The following PCDHGA3 variants were observed in gnomAD, a reference collection of about 807,000 sequenced individuals.
The protein encoded by PCDHGA3 is protocadherin gamma-A3.
PCDHGA3 carries 40 observed loss-of-function variants against 58.5 expected under a neutral mutation model. The ratio of observed to expected loss-of-function variants is 0.68; its 90% CI spans 0.53 to 0.89. The LOEUF (loss-of-function observed/expected upper bound fraction) is 0.89, where lower values mean the gene tolerates loss of function less well. PCDHGA3 is among the 40% of genes least tolerant of loss of function. The pLI is 0.00. For missense variants in PCDHGA3, 1,223 were observed against 1,195.9 expected (o/e 1.02, Z -0.33); for synonymous variants, 530 against 525.7 (o/e 1.01, Z -0.11).
At chr5:141,389,283 G>C in intron 1 of PCDHGA3, 1 of 1,614,022 alleles carries the variant, frequency 6.2e-7, no homozygotes. Flanking sequence ...CCCGCCTGGA[G>C]CCTCTATTTC....
Position 141,432,123 on chromosome 5 carries a change from C to G in PCDHGA3, c.2425-62684C>G, listed in dbSNP as rs1224794803. On this transcript the variant is annotated intron_variant, in intron 1 of 3. Transcript: ENST00000253812. This position sits in a 1 kb window ranked among gnomAD's most constrained non-coding sequence, Gnocchi z 6.0. ...GACAACCCGCCGGTCTTCCCTCAGG[C>G]CTCCTATTCCGCTTATATCCCAGAG... 1 of 1,614,172 alleles carries G rather than the reference C, an allele frequency of 6.2e-7. No homozygotes were observed. Among genetic ancestry groups the G allele is most frequent in the Admixed American group, 1.7e-5 (1 of 60,022 alleles).
intron 2 of PCDHGA3, among the ~76,000 whole-genome samples, chr5:141,497,023 G>A (rs1271608156): frequency 1.3e-5 from 2 of 151,912 alleles, no homozygotes; most frequent in Non-Finnish European, 2.9e-5. Flanking sequence ...ACCCCATCTC[G>A]ATTAAAAATA....
At chr5:141,388,619 C>T (rs369637121) in intron 1 of PCDHGA3, 3 of 1,613,852 alleles carry the variant, frequency 1.9e-6, no homozygotes, top group Non-Finnish European at 2.5e-6. Context: ...TCAGTCAAGA[C>T]GTATACAGGG....
chr5:141,405,106 C>T, intron 1 of PCDHGA3: 1 of 1,613,964 alleles, frequency 6.2e-7, no homozygotes, highest in South Asian at 1.1e-5. Context: ...GGCTGAGGCA[C>T]TGGCACTCCT....
intron 1 of PCDHGA3, chr5:141,389,265 G>T: frequency 6.2e-7 from 1 of 1,614,004 alleles, no homozygotes; most frequent in Non-Finnish European, 8.5e-7. Context: ...CCACGTGGCC[G>T]AGAACAACCC....
rs1338193610 is a variant in PCDHGA3 at position 141,344,111 on chromosome 5, A to C, written c.78A>C (p.Thr26=). 5 of 1,613,902 alleles carry C rather than the reference A, an allele frequency of 3.1e-6. No homozygotes were observed. The African/African-American group carries it at 5.3e-5, about 17-fold the overall frequency. ...CGCTCCTGGGGACGCTGTGCGAAAC[A>C]GGATCCGGTCAGATCCGCTACTCGG... ...LCALLGTLCE[T]GSGQIRYSVS... The change falls in exon 1 of 4, where the codon ACA becomes ACC. Residue 26 remains threonine, a synonymous_variant. Coordinates refer to ENST00000253812, the MANE Select transcript of PCDHGA3 (RefSeq NM_018916.4).
intron 1 of PCDHGA3, chr5:141,374,252 CAGG>C: frequency 6.2e-7 from 1 of 1,613,982 alleles, no homozygotes; most frequent in South Asian, 1.1e-5. Context: ...ACTGGAGCCC[CAGG>C]AGTTGGCGGA....
rs1260981096 is a variant in PCDHGA3 at position 141,374,541 on chromosome 5, C to T, written c.2424+28084C>T. On this transcript the variant is annotated intron_variant, in intron 1 of 3. Coordinates refer to ENST00000253812, the MANE Select transcript of PCDHGA3 (RefSeq NM_018916.4). Reference sequence around the variant, plus strand: ...AACGCAGCTCCATCCTCTCGTTTTCCACTAATGGAGGTCTATGACCCTGAT... The same window carrying T: ...AACGCAGCTCCATCCTCTCGTTTTCTACTAATGGAGGTCTATGACCCTGAT... 6.8e-6 allele frequency: 11 copies of T among 1,613,170 alleles called. No individual in the cohort carries two copies. Among genetic ancestry groups the T allele is most frequent in the Non-Finnish European group, 9.3e-6 (11 of 1,179,374 alleles).
chr5:141,356,878 C>T (rs1234761441), intron 1 of PCDHGA3: 1 of 1,614,224 alleles, frequency 6.2e-7, no homozygotes, highest in African/African-American at 1.3e-5. Context: ...CGACAATGTC[C>T]CTGAGATCCT....
chr5:141,504,135 C>T (rs758903340), intron 2 of PCDHGA3, among the ~76,000 whole-genome samples: 1 of 152,188 alleles, frequency 6.6e-6, no homozygotes, highest in Non-Finnish European at 1.5e-5. Context: ...CCCGCCAACA[C>T]TCCCCTGCAA....
chr5:141,444,360 G>A (rs556605314), intron 1 of PCDHGA3, among the ~76,000 whole-genome samples: 1 of 151,652 alleles, frequency 6.6e-6, no homozygotes, highest in South Asian at 2.1e-4. Context: ...TAGTAGAGAC[G>A]GGGTTTCTCC....
In PCDHGA3 at chr5:141,375,969, C is replaced by T. The variant is rs778872651; in HGVS notation, c.2424+29512C>T. 3 of 1,613,328 alleles carry T rather than the reference C, an allele frequency of 1.9e-6. No individual in the cohort carries two copies. The South Asian group carries it at 3.3e-5, about 18-fold the overall frequency. On this transcript the variant is annotated intron_variant, in intron 1 of 3. Transcript: ENST00000253812. ...CTGCACACGGGCGAGGTGCGCACGG[C>T]GCGCGCCCTGCTGGACAGAGACGCG...
chr5:141,419,069 C>G, intron 1 of PCDHGA3: 1 of 1,613,912 alleles, frequency 6.2e-7, no homozygotes, highest in Admixed American at 1.7e-5. Context: ...TTACTACAAG[C>G]TAGTAACAGA....
At chr5:141,437,264 A>G (rs2097872616) in intron 1 of PCDHGA3, among the ~76,000 whole-genome samples, 2 of 152,228 alleles carry the variant, frequency 1.3e-5, no homozygotes, top group South Asian at 2.1e-4. Context: ...TTTTATGTGT[A>G]TGACAGATGT....
chr5:141,417,878 C>T, intron 1 of PCDHGA3: 1 of 1,558,216 alleles, frequency 6.4e-7, no homozygotes, highest in Non-Finnish European at 8.7e-7. Context: ...GAGCTGCGCG[C>T]AGAGGCGCCG....
At chr5:141,445,612 CT>C (rs996122021) in intron 1 of PCDHGA3, among the ~76,000 whole-genome samples, 1 of 151,994 alleles carries the variant, frequency 6.6e-6, no homozygotes, top group Non-Finnish European at 1.5e-5. Flanking sequence ...GGAAGGCTTT[CT>C]TTTTTTCGGA....
Position 141,432,771 on chromosome 5 carries a change from T to G in PCDHGA3, c.2425-62036T>G. The G allele has an allele frequency of 6.2e-7, 1 of 1,614,006 alleles. No homozygotes were observed. The highest frequency in any genetic ancestry group is 8.5e-7 in the Non-Finnish European group (1 of 1,179,966). On this transcript the variant is annotated intron_variant, in intron 1 of 3. Coordinates refer to ENST00000253812, the MANE Select transcript of PCDHGA3 (RefSeq NM_018916.4). This position sits in a 1 kb window ranked among gnomAD's most constrained non-coding sequence, Gnocchi z 6.0. ...GCCGTGGCCGACAGCATCCCCCAAG[T>G]CCTGGCGGACCTCGGCAGCCTCGAG...
intron 1 of PCDHGA3, chr5:141,382,963 A>T (rs1778642004): frequency 6.2e-7 from 1 of 1,606,674 alleles, no homozygotes. Context: ...CCTCCTGGGG[A>T]CCCCCTGGGA....
At chr5:141,364,450 CA>C (rs754806491) in intron 1 of PCDHGA3, 3 of 1,613,980 alleles carry the variant, frequency 1.9e-6, no homozygotes, top group Non-Finnish European at 2.5e-6. Context: ...AGGAGCTGGA[CA>C]AAGGCTCCTT....
Sources: gnomAD v4.1 joint callset for allele counts (sites outside exome capture counted in the v4.1 genomes callset) on GRCh38, gnomAD v4.1.1 for gene constraint, Gnocchi (gnomAD v3.1) non-coding constraint, MANE v1.5 for transcripts, NCBI Gene and HGNC (gene_info 2026-07-23, HGNC 2026-07-21) for gene names.